Variants in FNDC1 observed in about 807,000 individuals in gnomAD.
FNDC1 encodes fibronectin type III domain containing 1, also known as fibronectin type III domain-containing protein 1.
FNDC1 carries 96 observed loss-of-function variants against 168.0 expected under a neutral mutation model. The ratio of observed to expected loss-of-function variants is 0.57; its 90% CI spans 0.48 to 0.68. FNDC1 has a LOEUF of 0.68. Ranked by LOEUF, FNDC1 falls within the 30% of genes least tolerant of loss-of-function variation. The pLI, the probability that FNDC1 is intolerant of heterozygous loss-of-function variation, is 0.00. For synonymous variants in FNDC1, 1,099 were observed against 1,025.9 expected (o/e 1.07, Z -1.36); for missense variants, 2,587 against 2,482.1 (o/e 1.04, Z -0.90).
At chr6:159,252,827 A>T (rs549674423) in intron 17 of FNDC1, among the ~76,000 whole-genome samples, 1 of 152,352 alleles carries the variant, frequency 6.6e-6, no homozygotes, top group South Asian at 2.1e-4. Context: ...CCTCTTGCAT[A>T]ACAGATATTA....
rs753558753 is a variant in FNDC1, at chr6:159,256,557, C to A, written c.5100C>A (p.Phe1700Leu). ...YLVYSASYED[F>L]IRNKWSTQAS... The stretch of plus-strand genomic sequence containing the variant: ...TTTACAGTGCATCCTATGAAGACTT[C>A]ATCAGGAACAAGTGGTCCACTCAAG... Residue 1700 changes from phenylalanine to leucine, a missense_variant, in exon 18 of 23, where the codon TTC becomes TTA. Physicochemically the swap from Phe to Leu is conservative, Grantham distance 22. Coordinates refer to ENST00000297267, the MANE Select transcript of FNDC1 (RefSeq NM_032532.3). 1.2e-6 allele frequency: 2 copies of A among 1,613,942 alleles called. No individual in the cohort carries two copies. Among genetic ancestry groups the A allele is most frequent in the South Asian group, 2.2e-5 (2 of 91,078 alleles).
intron 19 of FNDC1, 50 bp from the exon 20 acceptor site, chr6:159,264,925 A>T: frequency 1.3e-6 from 2 of 1,509,688 alleles, no homozygotes; most frequent in Non-Finnish European, 1.8e-6. Context: ...AAAGAATTGC[A>T]TGATTGTGAA....
intron 9 of FNDC1, among the ~76,000 whole-genome samples, chr6:159,229,528 A>G (rs1179200518): frequency 6.6e-6 from 1 of 152,184 alleles, no homozygotes; most frequent in African/African-American, 2.4e-5. Context: ...CGGTGTGTAA[A>G]TTTGGGGGGA....
In FNDC1 at chr6:159,267,787, T is replaced by C; in HGVS notation, c.5447-17T>C. The C allele has an allele frequency of 1.2e-6, 2 of 1,613,434 alleles. No homozygotes were observed. Among genetic ancestry groups the C allele is most frequent in the South Asian group, 2.2e-5 (2 of 90,932 alleles). On this transcript the variant is annotated splice_polypyrimidine_tract_variant and intron_variant, in intron 21 of 22. Coordinates refer to ENST00000297267, the MANE Select transcript of FNDC1 (RefSeq NM_032532.3). ...TTTCTGTACCTAGTCATGGACTCAA[T>C]CAATTCCTTCATGCAGATACATTCT...
At chr6:159,259,137 C>T (rs541553698) in intron 18 of FNDC1, among the ~76,000 whole-genome samples, 12 of 152,250 alleles carry the variant, frequency 7.9e-5, no homozygotes, top group African/African-American at 2.6e-4. Context: ...GAAGGCGAGG[C>T]ATGGATTGCT....
intron 14 of FNDC1, among the ~76,000 whole-genome samples, chr6:159,240,361 T>A (rs2115002230): frequency 1.3e-5 from 2 of 152,312 alleles, no homozygotes; most frequent in Admixed American, 1.3e-4. Flanking sequence ...AATATATATG[T>A]ATATACTTAA....
intron 9 of FNDC1, among the ~76,000 whole-genome samples, chr6:159,228,766 C>G (rs1783012577): frequency 6.6e-6 from 1 of 152,148 alleles, no homozygotes; most frequent in Admixed American, 6.5e-5. Flanking sequence ...ACCTCTGCCT[C>G]CAGGGTCCAA....
chr6:159,251,531 A>G lies in FNDC1; in HGVS notation c.5064A>G (p.Thr1688=). The G allele has an allele frequency of 1.2e-6, 2 of 1,612,470 alleles. No individual in the cohort carries two copies. Among genetic ancestry groups the G allele is most frequent in the Non-Finnish European group, 1.7e-6 (2 of 1,179,066 alleles). The change falls in exon 17 of 23, where the codon ACA becomes ACG. Residue 1688 remains threonine (T), a splice_region_variant and synonymous_variant. Transcript: ENST00000297267. ...WDKATPGDVV[T]GYLVYSASYE... ...AAGCCACCCCAGGAGATGTGGTCAC[A>G]GGTGTGTCCTAAGCAGAAATCAGAG...
At position 159,197,738 on chromosome 6, in the gene FNDC1, C is replaced by T. The variant is rs186546332; in HGVS notation, c.304+113C>T. 7.7e-5 allele frequency: 74 copies of T among 963,548 alleles called. No individual in the cohort carries two copies. The East Asian group carries it at 1.6e-3, about 21-fold the overall frequency. 59.7% of individuals were successfully genotyped at this position (963,548 alleles called of 1,614,324 possible). ...CCATGGCTGGGCTCAAGGTCCCTTACGGTTCTTTGGGAATGGAGAGCTGAG... is the reference window on the plus strand; with the variant it reads ...CCATGGCTGGGCTCAAGGTCCCTTATGGTTCTTTGGGAATGGAGAGCTGAG... On this transcript the variant is annotated intron_variant, in intron 2 of 22. Transcript: ENST00000297267.
chr6:159,264,864 T>C, intron 19 of FNDC1, 111 bp from the exon 20 acceptor site: 1 of 838,098 alleles, frequency 1.2e-6, no homozygotes, highest in Non-Finnish European at 1.8e-6. Context: ...TCAAACCTTA[T>C]CTTTTTCTTT....
intron 5 of FNDC1, among the ~76,000 whole-genome samples, chr6:159,219,057 T>G (rs1178448730): frequency 6.6e-6 from 1 of 151,504 alleles, no homozygotes; most frequent in Non-Finnish European, 1.5e-5. Context: ...TTTTTTTTTT[T>G]TGTGACAGGG....
intron 1 of FNDC1, among the ~76,000 whole-genome samples, chr6:159,192,122 C>T (rs1298175882): frequency 6.6e-6 from 1 of 152,154 alleles, no homozygotes; most frequent in Non-Finnish European, 1.5e-5. Context: ...AGGTGATCCA[C>T]CTGCTTCAGC....
chr6:159,229,147 G>A (rs945216909), intron 9 of FNDC1, among the ~76,000 whole-genome samples: 2 of 122,548 alleles, frequency 1.6e-5, no homozygotes, highest in African/African-American at 9.0e-5. Context: ...ATTTGCTTTG[G>A]TTTTCCAAAA....
chr6:159,266,361 G>C (rs1463300492), intron 21 of FNDC1, 116 bp downstream of exon 21: 3 of 1,092,264 alleles, frequency 2.7e-6, no homozygotes, highest in Non-Finnish European at 4.1e-6. Flanking sequence ...TACGACTATG[G>C]CTCACTCTGC....
At chr6:159,212,254 G>A (rs1230549697) in intron 4 of FNDC1, among the ~76,000 whole-genome samples, 1 of 152,220 alleles carries the variant, frequency 6.6e-6, no homozygotes, top group Non-Finnish European at 1.5e-5. Context: ...CAGCGCTGGT[G>A]GATGCAAGCT....
intron 15 of FNDC1, among the ~76,000 whole-genome samples, chr6:159,247,769 A>G (rs1398764334): frequency 6.6e-6 from 1 of 152,186 alleles, no homozygotes; most frequent in Non-Finnish European, 1.5e-5. Context: ...TTTTAAGGTT[A>G]AGAATACAAA....
chr6:159,178,645 G>T (rs547081491), intron 1 of FNDC1, among the ~76,000 whole-genome samples: 1 of 151,684 alleles, frequency 6.6e-6, no homozygotes, highest in Admixed American at 6.6e-5. Context: ...TATAAATGCC[G>T]TTCTACAGTA....
chr6:159,173,457 A>C (rs551691270), intron 1 of FNDC1, among the ~76,000 whole-genome samples: 1 of 152,376 alleles, frequency 6.6e-6, no homozygotes, highest in East Asian at 1.9e-4. Flanking sequence ...CGCCAATGGC[A>C]GATGGAAGAG....
intron 10 of FNDC1, 111 bp downstream of exon 10, chr6:159,230,114 TC>T: frequency 1.0e-6 from 1 of 957,258 alleles, no homozygotes; most frequent in Non-Finnish European, 1.5e-6. Context: ...AGATGATTTT[TC>T]CAGGCTAAGT....
Sources: gnomAD v4.1 joint callset for allele counts (sites outside exome capture counted in the v4.1 genomes callset) on GRCh38, gnomAD v4.1.1 for gene constraint, MANE v1.5 for transcripts, NCBI Gene and HGNC (gene_info 2026-07-23, HGNC 2026-07-21) for gene names.